The following STK3 variants were observed in gnomAD, a reference collection of about 807,000 sequenced individuals.
The protein encoded by STK3 is serine/threonine-protein kinase 3.
In STK3, 41 loss-of-function variants were observed where a neutral mutation model predicts 58.0. The ratio of observed to expected loss-of-function variants is 0.71; its 90% CI spans 0.55 to 0.92. The LOEUF (loss-of-function observed/expected upper bound fraction) is 0.92. STK3 is among the 40% of genes least tolerant of loss of function. The probability of loss-of-function intolerance (pLI) is 0.00; values close to 1 mark genes in which losing one functional copy is unlikely to be tolerated. For synonymous variants in STK3, 170 were observed against 191.0 expected, an observed-to-expected ratio of 0.89 and a Z score of 0.91; for missense variants, 479 against 602.7, an observed-to-expected ratio of 0.79 and a Z score of 2.15.
At chr8:98,893,486 G>GAGAGAAAGAAAGAA (rs1838312484) in intron 1 of STK3, among the ~76,000 whole-genome samples, 1 of 42,998 alleles carries the variant, frequency 2.3e-5, no homozygotes, top group African/African-American at 1.1e-4. Context: ...AAGAAAGAAA[G>GAGAGAAAGAAAGAA]AGAAAGAAAG....
At chr8:98,884,422 G>T (rs1837905993) in intron 1 of STK3, among the ~76,000 whole-genome samples, 1 of 152,048 alleles carries the variant, frequency 6.6e-6, no homozygotes, top group African/African-American at 2.4e-5. Flanking sequence ...ATGGTATAAA[G>T]AATTCCCAGA....
chr8:98,824,456 A>G (rs1835118670), intron 1 of STK3, among the ~76,000 whole-genome samples: 1 of 152,242 alleles, frequency 6.6e-6, no homozygotes, highest in African/African-American at 2.4e-5. Context: ...TCTTCCAGAA[A>G]AGAAAAAAGT....
chr8:98,923,876 C>T (rs1205527725), intron 1 of STK3, among the ~76,000 whole-genome samples: 11 of 146,436 alleles, frequency 7.5e-5, no homozygotes, highest in African/African-American at 1.5e-4. Context: ...CGCGCGCGCG[C>T]GTTGACAATG....
intron 6 of STK3, among the ~76,000 whole-genome samples, chr8:98,602,433 C>T (rs1291860962): frequency 6.6e-6 from 1 of 152,118 alleles, no homozygotes; most frequent in Non-Finnish European, 1.5e-5. Flanking sequence ...AACTAGACAC[C>T]AAATCTGCTA....
chr8:98,746,816 T>C (rs1006446959), intron 4 of STK3, among the ~76,000 whole-genome samples: 14 of 152,052 alleles, frequency 9.2e-5, no homozygotes, highest in Admixed American at 2.0e-4. Context: ...GGCAGGAGAA[T>C]TGCTTGAGAC....
intron 1 of STK3, among the ~76,000 whole-genome samples, chr8:98,932,547 A>G (rs1212727874): frequency 6.6e-6 from 1 of 152,210 alleles, no homozygotes; most frequent in Admixed American, 6.5e-5. Flanking sequence ...GTGTTTAATG[A>G]ATCAGAGGAA....
chr8:98,551,303 A>G (rs1274120550), intron 8 of STK3, among the ~76,000 whole-genome samples: 2 of 152,182 alleles, frequency 1.3e-5, no homozygotes, highest in Non-Finnish European at 2.9e-5. Flanking sequence ...TATTGCAAGC[A>G]ATTGTTTTGC....
At chr8:98,935,925 A>AT (rs112873131) in intron 1 of STK3, among the ~76,000 whole-genome samples, 17 of 150,554 alleles carry the variant, frequency 1.1e-4, no homozygotes, top group South Asian at 2.1e-4. Flanking sequence ...TTATTTATTT[A>AT]TTTTTTTTTG....
At chr8:98,531,218 A>G (rs1169520610) in intron 9 of STK3, among the ~76,000 whole-genome samples, 3 of 152,222 alleles carry the variant, frequency 2.0e-5, no homozygotes, top group Admixed American at 2.0e-4. Context: ...TATGGCAGAT[A>G]TTGCCTTATA....
chr8:98,593,519 CAGG>C (rs1446984000), intron 7 of STK3, among the ~76,000 whole-genome samples: 1 of 152,146 alleles, frequency 6.6e-6, no homozygotes, highest in Non-Finnish European at 1.5e-5. Context: ...GGCTGCACAG[CAGG>C]AGGTGAGTGA....
chr8:98,939,785 T>TCATC (rs1341032388), intron 1 of STK3, among the ~76,000 whole-genome samples: 2 of 152,246 alleles, frequency 1.3e-5, no homozygotes, highest in Non-Finnish European at 2.9e-5. Flanking sequence ...TTCTTTTCTG[T>TCATC]CATCCATCGT....
At chr8:98,862,630 C>G (rs942371871) in intron 3 of STK3, among the ~76,000 whole-genome samples, 1 of 152,192 alleles carries the variant, frequency 6.6e-6, no homozygotes, top group Non-Finnish European at 1.5e-5. Flanking sequence ...CATTGGAACT[C>G]TCAAATATCA....
At chr8:98,736,063 G>T (rs891894431) in intron 4 of STK3, among the ~76,000 whole-genome samples, 8 of 151,984 alleles carry the variant, frequency 5.3e-5, no homozygotes, top group African/African-American at 1.9e-4. Flanking sequence ...ACATGAAACA[G>T]CCAATACAAA....
At chr8:98,644,161 G>A (rs1820227753) in intron 6 of STK3, among the ~76,000 whole-genome samples, 1 of 152,062 alleles carries the variant, frequency 6.6e-6, no homozygotes, top group African/African-American at 2.4e-5. Context: ...ATATTATTTA[G>A]CACTACTGAA....
chr8:98,359,684 A>C, the STK3 span, among the ~76,000 whole-genome samples: 2 of 152,088 alleles, frequency 1.3e-5, no homozygotes, highest in Admixed American at 6.5e-5. Flanking sequence ...GCCTCCATAG[A>C]GCAGCCAGGA....
intron 6 of STK3, among the ~76,000 whole-genome samples, chr8:98,615,109 GA>G (rs1817574510): frequency 6.6e-6 from 1 of 151,910 alleles, no homozygotes; most frequent in Admixed American, 6.6e-5. Flanking sequence ...CGCAGCTGGA[GA>G]TCTGAGAACG....
intron 2 of STK3, chr8:98,436,561 T>A (rs1004359851): frequency 1.3e-5 from 2 of 152,292 alleles, no homozygotes; most frequent in East Asian, 3.8e-4. Context: ...ACTCACAATA[T>A]TGATTATTTA....
intron 3 of STK3, among the ~76,000 whole-genome samples, chr8:98,840,443 C>G (rs995322436): frequency 1.3e-5 from 2 of 148,180 alleles, no homozygotes; most frequent in African/African-American, 5.0e-5. Flanking sequence ...GTGGTGGCAC[C>G]TGTCTGTAGT....
intron 1 of STK3, among the ~76,000 whole-genome samples, chr8:98,819,853 A>G (rs1425288210): frequency 6.6e-6 from 1 of 152,192 alleles, no homozygotes; most frequent in Non-Finnish European, 1.5e-5. Flanking sequence ...TTCTCCCTGC[A>G]ATAATATCTT....
Sources: allele counts gnomAD v4.1 joint callset (sites outside exome capture counted in the v4.1 genomes callset), GRCh38; gene constraint gnomAD v4.1.1; transcripts MANE v1.5; gene names NCBI Gene and HGNC (gene_info 2026-07-23, HGNC 2026-07-21).